Variants in NALCN observed in about 807,000 individuals in gnomAD.
The protein encoded by NALCN is sodium leak channel NALCN.
In NALCN, 111 loss-of-function variants were observed where a neutral mutation model predicts 225.3. That is an observed-to-expected ratio of 0.49 (90% confidence interval 0.42 to 0.58). The LOEUF is 0.58. Ranked by LOEUF, NALCN falls within the 20% of genes least tolerant of loss-of-function variation. The pLI, the probability that NALCN is intolerant of heterozygous loss-of-function variation, is 0.00. For missense variants in NALCN, 1,378 were observed against 2,202.4 expected (o/e 0.63, Z 7.49); for synonymous variants, 764 against 769.0 (o/e 0.99, Z 0.11).
chr13:101,254,735 C>CA lies in NALCN; in HGVS notation c.1266+3707dup, dbSNP rs1159997562. Among the ~76,000 whole-genome samples, 3 of 116,634 alleles carry CA rather than the reference C, an allele frequency of 2.6e-5. No homozygotes were observed. The East Asian group carries it at 6.7e-4, about 26-fold the overall frequency. The allele number at this position is 116,634 out of a possible 152,430, so 76.5% of individuals were successfully genotyped here. ...TGAAACCCCGTCTCTACTAAAAATA[C>CA]AAAAAATTAGCCGGGCGTAGTGGCG... On this transcript the variant is annotated intron_variant, in intron 11 of 43. Coordinates refer to ENST00000251127, the MANE Select transcript of NALCN (RefSeq NM_052867.4).
chr13:101,089,672 A>G lies in NALCN; in HGVS notation c.3480T>C (p.Asn1160=). Residue 1160 remains asparagine, a synonymous_variant, in exon 30 of 44, where the codon AAT becomes AAC. Coordinates refer to ENST00000251127, the MANE Select transcript of NALCN (RefSeq NM_052867.4). The surrounding 1 kb of genome is among the most constrained non-coding windows in gnomAD (Gnocchi z 4.7). Reference sequence around the variant, plus strand: ...AACCAAAAATCCTTACCTTGTTTTCATTGAAATTAGCAATAACTACTCCAA... The same window carrying G: ...AACCAAAAATCCTTACCTTGTTTTCGTTGAAATTAGCAATAACTACTCCAA... ...LFVGVVIANF[N]ENKGTALLTV... 6.2e-7 allele frequency: 1 copy of G among 1,613,822 alleles called. No homozygotes were observed. Among genetic ancestry groups the G allele is most frequent in the South Asian group, 1.1e-5 (1 of 91,064 alleles).
intron 10 of NALCN, among the ~76,000 whole-genome samples, chr13:101,274,908 C>G (rs750338559): frequency 2.0e-4 from 30 of 152,096 alleles, no homozygotes; most frequent in African/African-American, 4.1e-4. Context: ...GAGTTGTGTC[C>G]TCTCTCCTCC....
At position 101,075,619 on chromosome 13, in the gene NALCN, T is replaced by C. The variant is rs139650204; in HGVS notation, c.3954+254A>G. 1.6e-3 allele frequency among the ~76,000 whole-genome samples: 248 copies of C among 152,016 alleles called. 1 individual carries two copies. The highest frequency in any genetic ancestry group is 5.8e-3 in the African/African-American group (239 of 41,550). On this transcript the variant is annotated intron_variant, in intron 35 of 43. Coordinates refer to ENST00000251127, the MANE Select transcript of NALCN (RefSeq NM_052867.4). ...ACTGGTTATCTTTAATTAATTAAATTAATAAATTTAAATAATTTACTTAAT... is the reference window on the plus strand; with the variant it reads ...ACTGGTTATCTTTAATTAATTAAATCAATAAATTTAAATAATTTACTTAAT...
intron 10 of NALCN, among the ~76,000 whole-genome samples, chr13:101,267,658 G>A (rs2042641478): frequency 6.6e-6 from 1 of 152,162 alleles, no homozygotes; most frequent in Admixed American, 6.5e-5. Context: ...GGTGGCCATG[G>A]GCCCTGCCAT....
chr13:101,180,123 C>T (rs7317021), intron 14 of NALCN, among the ~76,000 whole-genome samples: 37,380 of 151,244 alleles, frequency 0.25, 5,389 homozygotes, highest in Non-Finnish European at 0.33. Context: ...CCAATAAGGT[C>T]GTGTTCATAG....
intron 3 of NALCN, among the ~76,000 whole-genome samples, chr13:101,393,088 T>C (rs2047189964): frequency 1.3e-5 from 2 of 152,186 alleles, no homozygotes; most frequent in Admixed American, 1.3e-4. Flanking sequence ...CCAATCACAA[T>C]GGCAAACTGG....
intron 7 of NALCN, among the ~76,000 whole-genome samples, chr13:101,308,176 T>G (rs1237083783): frequency 6.6e-6 from 1 of 152,224 alleles, no homozygotes; most frequent in Non-Finnish European, 1.5e-5. Context: ...ATTTTGTCCT[T>G]TGGTTATTTA....
chr13:101,215,967 C>A (rs2140093689), intron 13 of NALCN, among the ~76,000 whole-genome samples: 1 of 152,150 alleles, frequency 6.6e-6, no homozygotes. Context: ...GCAACCTATT[C>A]ACAGGAATGA....
intron 15 of NALCN, among the ~76,000 whole-genome samples, chr13:101,145,566 G>A (rs754631303): frequency 1.9e-4 from 29 of 152,178 alleles, no homozygotes; most frequent in Non-Finnish European, 3.8e-4. Context: ...GAGTTTCAGG[G>A]AAGCTCAGGT....
intron 9 of NALCN, among the ~76,000 whole-genome samples, chr13:101,290,940 A>T (rs1228496277): frequency 6.6e-6 from 1 of 152,206 alleles, no homozygotes; most frequent in African/African-American, 2.4e-5. Context: ...TCACGCTAGA[A>T]GAAGATACAC....
At chr13:101,345,188 C>A in intron 7 of NALCN, 78 bp downstream of exon 7, 2 of 1,406,368 alleles carry the variant, frequency 1.4e-6, no homozygotes, top group South Asian at 1.4e-5. Flanking sequence ...ATATTAGTAT[C>A]AATTATTTAA....
intron 13 of NALCN, 117 bp downstream of exon 13, chr13:101,229,274 CAA>C (rs1325854425): frequency 4.1e-6 from 4 of 981,982 alleles, no homozygotes; most frequent in Non-Finnish European, 5.7e-6. Context: ...CTAATTATCC[CAA>C]GTTATCAAAA....
In NALCN at chr13:101,110,833, C is replaced by A. The variant is rs893590168; in HGVS notation, c.2295-145G>T. The A allele has an allele frequency of 6.0e-6, 5 of 838,012 alleles. No homozygotes were observed. In the South Asian group the frequency reaches 6.4e-5, roughly 11 times the overall value. 51.9% of individuals were successfully genotyped at this position (838,012 alleles called of 1,614,324 possible). Reference sequence around the variant, plus strand: ...TTTCTTTTCATAGCAGAAGCTTATACTCTCTCCAAATGTCTTTGATCCCAT... The same window carrying A: ...TTTCTTTTCATAGCAGAAGCTTATAATCTCTCCAAATGTCTTTGATCCCAT... On this transcript the variant is annotated intron_variant, in intron 19 of 43. Coordinates refer to ENST00000251127, the MANE Select transcript of NALCN (RefSeq NM_052867.4).
At chr13:101,186,819 T>A (rs1297067556) in intron 14 of NALCN, among the ~76,000 whole-genome samples, 3 of 152,268 alleles carry the variant, frequency 2.0e-5, no homozygotes, top group African/African-American at 7.2e-5. Flanking sequence ...TATATCTAAC[T>A]AGTAAGTAGA....
intron 18 of NALCN, 75 bp downstream of exon 18, chr13:101,124,533 T>C: frequency 7.6e-7 from 1 of 1,315,634 alleles, no homozygotes. Flanking sequence ...CATTAATTCA[T>C]TTTTCAAAAA....
intron 13 of NALCN, among the ~76,000 whole-genome samples, chr13:101,209,783 G>A (rs953598332): frequency 7.9e-5 from 12 of 152,070 alleles, no homozygotes; most frequent in Non-Finnish European, 1.6e-4. Context: ...AACTTGAAAT[G>A]ACTTGGTTTA....
rs145213782 is a variant in NALCN, at chr13:101,337,623, T to A, written c.799+7643A>T. 4.8e-3 allele frequency among the ~76,000 whole-genome samples: 738 copies of A among 152,292 alleles called. 8 individuals are homozygous for A. The highest frequency in any genetic ancestry group is 0.017 in the African/African-American group (696 of 41,564). On this transcript the variant is annotated intron_variant, in intron 7 of 43. Coordinates refer to ENST00000251127, the MANE Select transcript of NALCN (RefSeq NM_052867.4). ...ACGCCCAGCCCACATTTATTCTTTT[T>A]TCTAAGACTTGTCTAAAGACTTCAG...
rs117122363 is a variant in NALCN at position 101,076,650 on chromosome 13, G to A, written c.3886-709C>T. 3.2e-4 allele frequency among the ~76,000 whole-genome samples: 48 copies of A among 152,318 alleles called. No homozygotes were observed. In the East Asian group the frequency reaches 9.3e-3, roughly 29 times the overall value. ...GGGGGTCCAGTGAGATCCTTGGTGA[G>A]GTCCAAGCACATGAATGTGTGCACA... On this transcript the variant is annotated intron_variant, in intron 34 of 43. Transcript: ENST00000251127.
intron 14 of NALCN, among the ~76,000 whole-genome samples, chr13:101,187,843 C>G (rs1165858972): frequency 6.6e-6 from 1 of 152,116 alleles, no homozygotes; most frequent in African/African-American, 2.4e-5. Flanking sequence ...AAGGTCCAGA[C>G]AGTAAACATT....
Sources: allele counts gnomAD v4.1 joint callset (sites outside exome capture counted in the v4.1 genomes callset), GRCh38; gene constraint gnomAD v4.1.1; non-coding constraint Gnocchi (gnomAD v3.1); transcripts MANE v1.5; gene names NCBI Gene and HGNC (gene_info 2026-07-23, HGNC 2026-07-21).